TNRC6B: variants seen among roughly 807,000 people sequenced by gnomAD.
TNRC6B encodes the protein trinucleotide repeat containing adaptor 6B.
In TNRC6B, 52 loss-of-function variants were observed where a neutral mutation model predicts 203.6. The ratio of observed to expected loss-of-function variants is 0.26; its 90% CI spans 0.20 to 0.32. The LOEUF (loss-of-function observed/expected upper bound fraction) is 0.32, where lower values mean the gene tolerates loss of function less well. TNRC6B is among the 10% of genes least tolerant of loss of function. The pLI is 1.00. For synonymous variants in TNRC6B, 838 were observed against 845.7 expected (o/e 0.99, Z 0.16); for missense variants, 1,923 against 2,286.2 (o/e 0.84, Z 3.24).
chr22:40,120,912 C>T (rs1226771185), intron 2 of TNRC6B, among the ~76,000 whole-genome samples: 3 of 152,060 alleles, frequency 2.0e-5, no homozygotes, highest in African/African-American at 2.4e-5. Flanking sequence ...TCCTAGCCAA[C>T]GAAAGGAGCA....
chr22:40,061,902 T>C (rs2146272234), intron 1 of TNRC6B, among the ~76,000 whole-genome samples: 1 of 151,962 alleles, frequency 6.6e-6, no homozygotes, highest in Admixed American at 6.6e-5. Context: ...GGTGAAACCT[T>C]GTCTCTACTA....
intron 11 of TNRC6B, among the ~76,000 whole-genome samples, chr22:40,284,366 G>A (rs2070756694): frequency 1.3e-5 from 2 of 152,110 alleles, no homozygotes; most frequent in Admixed American, 6.5e-5. Flanking sequence ...TTTTAATGAA[G>A]CCATTACAAA....
chr22:40,151,445 AG>A (rs2068752483), intron 3 of TNRC6B, among the ~76,000 whole-genome samples: 1 of 150,804 alleles, frequency 6.6e-6, no homozygotes, highest in Non-Finnish European at 1.5e-5. Flanking sequence ...AAGCTGAAGC[AG>A]GGAGAATCTC....
At chr22:40,144,334 TAAAC>T (rs1028686966) in intron 3 of TNRC6B, among the ~76,000 whole-genome samples, 2 of 152,224 alleles carry the variant, frequency 1.3e-5, no homozygotes, top group Admixed American at 6.5e-5. Flanking sequence ...ATCTAATGAA[TAAAC>T]AAATTATAGT....
Position 40,266,790 on chromosome 22 carries a change from TC to T in TNRC6B, c.2562del (p.Asn855IlefsTer53). ...ACCACCTCCAGGCAACGTTCGACCTTCCAATTCCAGCTGGAGCAGCGGGCCA... is the reference window on the plus strand; with the variant it reads ...ACCACCTCCAGGCAACGTTCGACCTTCAATTCCAGCTGGAGCAGCGGGCCA... The part of the protein sequence containing the change: ...PPPPPGNVRP[S>X]NSSWSSGPQP... On this transcript the variant is annotated frameshift_variant, in exon 5 of 23. Coordinates refer to ENST00000454349, the MANE Select transcript of TNRC6B (RefSeq NM_001162501.2). LOFTEE classifies it high-confidence loss of function. 6.2e-7 allele frequency: 1 copy of T among 1,613,550 alleles called. No individual in the cohort carries two copies. Among genetic ancestry groups the T allele is most frequent in the Non-Finnish European group, 8.5e-7 (1 of 1,179,666 alleles).
chr22:40,125,910 G>A (rs1725849330), intron 3 of TNRC6B: 2 of 1,570,966 alleles, frequency 1.3e-6, no homozygotes, highest in African/African-American at 1.4e-5. Context: ...TTGAACAGTA[G>A]AGGCTGTGGA....
intron 1 of TNRC6B, among the ~76,000 whole-genome samples, chr22:40,182,112 G>A (rs1172878734): frequency 6.6e-6 from 1 of 152,070 alleles, no homozygotes; most frequent in Non-Finnish European, 1.5e-5. Context: ...AAGGGTGGTG[G>A]CGCCTGCCTG....
At chr22:40,310,036 C>T (rs2071152757) in intron 16 of TNRC6B, among the ~76,000 whole-genome samples, 1 of 152,126 alleles carries the variant, frequency 6.6e-6, no homozygotes, top group Non-Finnish European at 1.5e-5. Context: ...TCACTGATAC[C>T]TAAAATTTTA....
intron 21 of TNRC6B, among the ~76,000 whole-genome samples, chr22:40,318,301 A>C (rs1020538406): frequency 6.6e-6 from 1 of 152,170 alleles, no homozygotes; most frequent in African/African-American, 2.4e-5. Flanking sequence ...TAATCCCAGC[A>C]CTTTGGGAGG....
chr22:40,321,702 C>T (rs1248664268), intron 22 of TNRC6B: 1 of 157,738 alleles, frequency 6.3e-6, no homozygotes, highest in East Asian at 1.8e-4. Context: ...AGGGGAATCG[C>T]TTGAACCTGG....
At chr22:40,137,429 C>A (rs1267935280) in intron 3 of TNRC6B, among the ~76,000 whole-genome samples, 1 of 152,154 alleles carries the variant, frequency 6.6e-6, no homozygotes, top group Non-Finnish European at 1.5e-5. Flanking sequence ...TCAGCTGTTT[C>A]CTTATGTCAG....
At chr22:40,166,645 C>G (rs2068922173) in intron 4 of TNRC6B, among the ~76,000 whole-genome samples, 1 of 152,052 alleles carries the variant, frequency 6.6e-6, no homozygotes, top group African/African-American at 2.4e-5. Context: ...GCCTGTAATC[C>G]TAGCACTCTG....
rs746545703 is a variant in TNRC6B, at chr22:40,265,759, A to G, written c.1529A>G (p.Glu510Gly). 6 of 1,614,004 alleles carry G rather than the reference A, an allele frequency of 3.7e-6. No individual in the cohort carries two copies. The East Asian group carries it at 1.1e-4, about 30-fold the overall frequency. ...ATGACATCTGGGGTCTCTCAGGGAG[A>G]ATGGAAACAGCCGACTGGGTCTGAT... ...NKMTSGVSQG[E>G]WKQPTGSDEL... is the part of the protein sequence containing the mutation. The change falls in exon 5 of 23, where the codon GAA becomes GGA. Residue 510 changes from glutamate to glycine, a missense_variant. Glu to Gly is a moderately conservative substitution (Grantham distance 98). Around this residue, in one of 8 missense-constraint regions of TNRC6B, gnomAD observed 614 missense variants for 587.7 expected, o/e 1.04. Transcript: ENST00000454349.
chr22:40,290,967 C>T (rs925110270), intron 12 of TNRC6B, among the ~76,000 whole-genome samples: 1 of 152,108 alleles, frequency 6.6e-6, no homozygotes, highest in African/African-American at 2.4e-5. Flanking sequence ...ACTTGTGTTC[C>T]CTCCATTTTT....
intron 1 of TNRC6B, among the ~76,000 whole-genome samples, chr22:40,222,728 C>CTTTTTTTT (rs61374373): frequency 0.012 from 475 of 40,218 alleles, 86 homozygotes; most frequent in South Asian, 0.018. Context: ...CTCTCTCTCT[C>CTTTTTTTT]TTTTTTTTTT....
In TNRC6B at chr22:40,330,958, C is replaced by A. The variant is rs2071459096; in HGVS notation, c.*7717C>A. 1 of 152,664 alleles carries A rather than the reference C, an allele frequency of 6.6e-6. No individual in the cohort carries two copies. Among genetic ancestry groups the A allele is most frequent in the Non-Finnish European group, 1.5e-5 (1 of 68,052 alleles). 9.5% of individuals were successfully genotyped at this position (152,664 alleles called of 1,614,324 possible). A position where few individuals can be genotyped will look rare whatever the true frequency, so the allele number is the denominator to read the frequency against. On this transcript the variant is annotated 3_prime_UTR_variant, in exon 23 of 23. Transcript: ENST00000454349. ...CAGGCGACGCAGACCCACGTTAGTC[C>A]AAGAGCGCAGGTTTACACATCTGCA...
At position 40,315,944 on chromosome 22, in the gene TNRC6B, T is replaced by C; in HGVS notation, c.4906T>C (p.Ser1636Pro). Residue 1636 changes from serine to proline, a missense_variant and splice_region_variant, in exon 21 of 23, where the codon TCT (serine) becomes CCT (proline). Physicochemically the swap from Ser to Pro is moderately conservative, Grantham distance 74 (BLOSUM62 -1). Coordinates refer to ENST00000454349, the MANE Select transcript of TNRC6B (RefSeq NM_001162501.2). The stretch of plus-strand genomic sequence containing the variant: ...ACCATTTTTCTGGTTGCTCATAGCC[T>C]CTACCTGGAGTGATGGTGGCTCAGT... ...GTQDSRLASA[S>P]TWSDGGSVRP... 6.2e-7 allele frequency: 1 copy of C among 1,613,640 alleles called. No individual in the cohort carries two copies. Among genetic ancestry groups the C allele is most frequent in the Non-Finnish European group, 8.5e-7 (1 of 1,179,618 alleles).
chr22:40,253,177 G>C (rs2070219531), intron 3 of TNRC6B, among the ~76,000 whole-genome samples: 2 of 150,860 alleles, frequency 1.3e-5, no homozygotes, highest in South Asian at 4.2e-4. Context: ...CGCCTCCCGG[G>C]TTCACGCCAT....
At chr22:40,314,875 A>G (rs1810808739) in intron 19 of TNRC6B, among the ~76,000 whole-genome samples, 1 of 152,216 alleles carries the variant, frequency 6.6e-6, no homozygotes, top group African/African-American at 2.4e-5. Flanking sequence ...TAATTTACTA[A>G]TTACTTTCTA....
Sources: gnomAD v4.1 joint callset for allele counts (sites outside exome capture counted in the v4.1 genomes callset) on GRCh38, gnomAD v4.1.1 for gene constraint, gnomAD v4.1.1 regional missense constraint, MANE v1.5 for transcripts, NCBI Gene and HGNC (gene_info 2026-07-23, HGNC 2026-07-21) for gene names.